ELSPBP1: variants seen among roughly 807,000 people sequenced by gnomAD.
The protein encoded by ELSPBP1 is epididymal sperm binding protein 1, also known as epididymal sperm-binding protein 1.
A neutral mutation model predicts 33.3 loss-of-function variants in ELSPBP1; 38 were observed. That is an observed-to-expected ratio of 1.14 (90% confidence interval 0.88 to 1.50). The LOEUF (loss-of-function observed/expected upper bound fraction) is 1.50, where lower values mean the gene tolerates loss of function less well. Among genes scored for constraint, ELSPBP1 ranks in the 40% most tolerant of loss-of-function variants. ELSPBP1 has a pLI of 0.00. For synonymous variants in ELSPBP1, 85 were observed against 94.1 expected (o/e 0.90, Z 0.56); for missense variants, 267 against 263.5 (o/e 1.01, Z -0.09).
rs1396421146 is a variant in ELSPBP1 at position 48,014,215 on chromosome 19, G to T, written c.115G>T (p.Val39Phe). Residue 39 changes from valine to phenylalanine, a missense_variant, in exon 3 of 7, where the codon GTT becomes TTT. By Grantham distance (50) the Val-to-Phe change is conservative (BLOSUM62 -1). Coordinates refer to ENST00000339841, the MANE Select transcript of ELSPBP1 (RefSeq NM_022142.5). ...CTTTCCTTTCACCTACAAGGGATCT[G>T]TTTACTTCACTTGCACCCATATTCA... Reference protein sequence around the residue: ...CVFPFTYKGSVYFTCTHIHSL... With the variant: ...CVFPFTYKGSFYFTCTHIHSL... The T allele has an allele frequency of 6.2e-7, 1 of 1,613,896 alleles. No homozygotes were observed.
chr19:48,021,080 C>A (rs1315893859), intron 5 of ELSPBP1, among the ~76,000 whole-genome samples: 1 of 152,104 alleles, frequency 6.6e-6, no homozygotes. Context: ...ATGGGGTCAT[C>A]TTTCATGAGG....
intron 6 of ELSPBP1, 121 bp downstream of exon 6, chr19:48,022,455 T>G: frequency 1.1e-6 from 1 of 886,306 alleles, no homozygotes; most frequent in Non-Finnish European, 1.7e-6. Flanking sequence ...TTAGCGTCGC[T>G]GATGTGAAGG....
At chr19:47,999,849 G>T (rs944657436) in intron 1 of ELSPBP1, among the ~76,000 whole-genome samples, 2 of 150,334 alleles carry the variant, frequency 1.3e-5, no homozygotes, top group Non-Finnish European at 3.0e-5. Context: ...AGGAAATGGG[G>T]TCTCGCTCTG....
In ELSPBP1 at chr19:48,014,229, C is replaced by T. The variant is rs2122319010; in HGVS notation, c.129C>T (p.Cys43=). ...ACAAGGGATCTGTTTACTTCACTTG[C>T]ACCCATATTCATAGCTTATCCCCTT... The part of the protein sequence containing the change: ...FTYKGSVYFT[C]THIHSLSPWC... Residue 43 remains cysteine, a synonymous_variant, in exon 3 of 7, where the codon TGC becomes TGT. Transcript: ENST00000339841. The T allele has an allele frequency of 1.2e-6, 2 of 1,613,990 alleles. No individual in the cohort carries two copies. The highest frequency in any genetic ancestry group is 2.2e-5 in the East Asian group (1 of 44,876).
intron 6 of ELSPBP1, among the ~76,000 whole-genome samples, chr19:48,023,688 C>T (rs1334802591): frequency 6.6e-6 from 1 of 151,962 alleles, no homozygotes; most frequent in Non-Finnish European, 1.5e-5. Context: ...GCATCCATTG[C>T]CCCCATCACT....
chr19:48,005,600 C>G (rs1967009913), intron 1 of ELSPBP1, among the ~76,000 whole-genome samples: 1 of 152,160 alleles, frequency 6.6e-6, no homozygotes, highest in Admixed American at 6.5e-5. Flanking sequence ...GTGGACATGT[C>G]TGGGAGGCAG....
chr19:47,997,226 T>C (rs1298012697), intron 1 of ELSPBP1, among the ~76,000 whole-genome samples: 1 of 152,208 alleles, frequency 6.6e-6, no homozygotes, highest in East Asian at 1.9e-4. Flanking sequence ...CCTCATAAAA[T>C]TAATCCATTC....
intron 1 of ELSPBP1, among the ~76,000 whole-genome samples, chr19:47,996,675 GA>G: frequency 1.3e-5 from 2 of 152,148 alleles, no homozygotes; most frequent in Non-Finnish European, 2.9e-5. Context: ...GATGAAAGAA[GA>G]GTTGGTAAAG....
intron 4 of ELSPBP1, among the ~76,000 whole-genome samples, chr19:48,017,107 C>T (rs1967150905): frequency 6.6e-6 from 1 of 152,148 alleles, no homozygotes; most frequent in East Asian, 1.9e-4. Context: ...TAACTGAGCC[C>T]TTCCCAAGGT....
chr19:47,995,097 T>C (rs1268082790), intron 1 of ELSPBP1, among the ~76,000 whole-genome samples: 1 of 152,238 alleles, frequency 6.6e-6, no homozygotes, highest in Non-Finnish European at 1.5e-5. Context: ...CCCTATACTT[T>C]GTCTTCAGAA....
At chr19:47,998,035 G>A (rs929404416) in intron 1 of ELSPBP1, among the ~76,000 whole-genome samples, 1 of 152,130 alleles carries the variant, frequency 6.6e-6, no homozygotes, top group African/African-American at 2.4e-5. Context: ...AGAACTACAA[G>A]GCTCTGACCT....
At chr19:48,001,095 C>G (rs895845555) in intron 1 of ELSPBP1, among the ~76,000 whole-genome samples, 2 of 151,922 alleles carry the variant, frequency 1.3e-5, no homozygotes, top group African/African-American at 2.4e-5. Flanking sequence ...TTCTTTGGCT[C>G]GTGGCCTCTT....
At chr19:48,016,279 C>A (rs1261549597) in intron 4 of ELSPBP1, among the ~76,000 whole-genome samples, 4 of 152,184 alleles carry the variant, frequency 2.6e-5, no homozygotes, top group Non-Finnish European at 5.9e-5. Flanking sequence ...AAACAATGAG[C>A]TGAAGTCCTG....
At chr19:47,995,930 G>T (rs1469898340) in intron 1 of ELSPBP1, among the ~76,000 whole-genome samples, 5 of 152,210 alleles carry the variant, frequency 3.3e-5, no homozygotes, top group Admixed American at 2.0e-4. Flanking sequence ...AAGAGAACGA[G>T]AGGGCAGAGG....
intron 4 of ELSPBP1, among the ~76,000 whole-genome samples, chr19:48,016,540 C>T (rs1435746046): frequency 1.5e-4 from 19 of 128,842 alleles, no homozygotes; most frequent in African/African-American, 5.5e-4. Flanking sequence ...TCCTTCCTTC[C>T]TTCCTTCCTT....
chr19:48,005,077 G>A (rs549264129), intron 1 of ELSPBP1, among the ~76,000 whole-genome samples: 9 of 152,154 alleles, frequency 5.9e-5, no homozygotes, highest in South Asian at 2.1e-4. Flanking sequence ...GTGGTGATGC[G>A]TGCCTGTAGT....
At chr19:48,005,663 C>T (rs1189695090) in intron 1 of ELSPBP1, among the ~76,000 whole-genome samples, 1 of 152,134 alleles carries the variant, frequency 6.6e-6, no homozygotes, top group Non-Finnish European at 1.5e-5. Context: ...ATGAACAATA[C>T]TATTTTGGAT....
At chr19:48,024,570 G>A (rs1452425093) in intron 6 of ELSPBP1, among the ~76,000 whole-genome samples, 2 of 152,116 alleles carry the variant, frequency 1.3e-5, no homozygotes, top group Non-Finnish European at 2.9e-5. Context: ...TGGAATAGAG[G>A]AGAGGGAAAG....
chr19:48,009,828 A>G (rs909879852), intron 2 of ELSPBP1, among the ~76,000 whole-genome samples: 2 of 152,100 alleles, frequency 1.3e-5, no homozygotes, highest in Non-Finnish European at 2.9e-5. Flanking sequence ...AGAAGGGTGC[A>G]TCTGGTCAGG....
Sources: gnomAD v4.1 joint callset for allele counts (sites outside exome capture counted in the v4.1 genomes callset) on GRCh38, gnomAD v4.1.1 for gene constraint, MANE v1.5 for transcripts, NCBI Gene and HGNC (gene_info 2026-07-23, HGNC 2026-07-21) for gene names.